Variants in WT1 observed in about 807,000 individuals in gnomAD.
The protein encoded by WT1 is WT1 transcription factor, also known as Wilms tumor protein.
WT1 carries 8 observed loss-of-function variants against 60.8 expected under a neutral mutation model. That is an observed-to-expected ratio of 0.13 (90% CI 0.08 to 0.24). The LOEUF is 0.24. Among genes scored for constraint, WT1 ranks in the 10% least tolerant of loss-of-function variants. WT1 has a pLI of 1.00. For synonymous variants in WT1, 312 were observed against 297.1 expected, an observed-to-expected ratio of 1.05 and a Z score of -0.52; for missense variants, 568 against 711.8, an observed-to-expected ratio of 0.80 and a Z score of 2.30.
Position 32,406,529 on chromosome 11 carries a change from G to A in WT1, c.1017-6485C>T, listed in dbSNP as rs187968623. Among the ~76,000 whole-genome samples, 235 of 152,228 alleles carry A rather than the reference G, an allele frequency of 1.5e-3. 1 individual carries two copies. The highest frequency in any genetic ancestry group is 5.3e-3 in the African/African-American group (222 of 41,526). Reference sequence around the variant, plus strand: ...ACAGACCACTACCGGTCCATGGCCCGGGGGTTGGGGGCCTTTGGTATAAAG... The same window carrying A: ...ACAGACCACTACCGGTCCATGGCCCAGGGGTTGGGGGCCTTTGGTATAAAG... On this transcript the variant is annotated intron_variant, in intron 5 of 9. Transcript: ENST00000452863.
intron 1 of WT1, chr11:32,430,823 G>C: frequency 7.8e-7 from 1 of 1,288,466 alleles, no homozygotes; most frequent in Non-Finnish European, 9.8e-7. Flanking sequence ...CGCCTGCGGA[G>C]CGGAGGGAGG....
chr11:32,393,496 A>T (rs1851877827), intron 7 of WT1, among the ~76,000 whole-genome samples: 1 of 152,256 alleles, frequency 6.6e-6, no homozygotes, highest in Admixed American at 6.5e-5. Flanking sequence ...CCTTCTTAGG[A>T]GAATCCTGAG....
intron 9 of WT1, among the ~76,000 whole-genome samples, chr11:32,389,802 C>T (rs762855570): frequency 6.6e-6 from 1 of 151,666 alleles, no homozygotes; most frequent in African/African-American, 2.4e-5. Flanking sequence ...CTAGTTGGGG[C>T]GTGGTTCTTA....
At chr11:32,411,000 A>G (rs149089487) in intron 5 of WT1, among the ~76,000 whole-genome samples, 3 of 152,000 alleles carry the variant, frequency 2.0e-5, no homozygotes, top group Middle Eastern at 3.4e-3. Flanking sequence ...GGGATAGGAG[A>G]AGTCCAAATA....
chr11:32,389,952 T>C (rs1851768882), intron 9 of WT1, among the ~76,000 whole-genome samples: 1 of 152,130 alleles, frequency 6.6e-6, no homozygotes, highest in Non-Finnish European at 1.5e-5. Context: ...TGTGCTGGGC[T>C]TCACACACGC....
At position 32,388,003 on chromosome 11, in the gene WT1, AACAC is replaced by A. The variant is rs58549495; in HGVS notation, c.*1051_*1054del. 32,223 of 228,700 alleles carry A rather than the reference AACAC, an allele frequency of 0.14. 2,641 individuals are homozygous for A. The highest frequency in any genetic ancestry group is 0.31 in the African/African-American group (13,828 of 44,032). 14.2% of individuals were successfully genotyped at this position (228,700 alleles called of 1,614,324 possible). On this transcript the variant is annotated 3_prime_UTR_variant, in exon 10 of 10. Transcript: ENST00000452863. The stretch of plus-strand genomic sequence containing the variant: ...TCCCTTAAAAAACAAAACACAACAC[AACAC>A]ACACACACACACACACACACACACA...
At chr11:32,410,182 C>A (rs1852451832) in intron 5 of WT1, among the ~76,000 whole-genome samples, 1 of 152,200 alleles carries the variant, frequency 6.6e-6, no homozygotes, top group African/African-American at 2.4e-5. Flanking sequence ...CCACCTGCCT[C>A]GGCCTCCCAA....
intron 1 of WT1, among the ~76,000 whole-genome samples, chr11:32,429,954 A>G (rs918758854): frequency 1.4e-5 from 2 of 146,660 alleles, no homozygotes; most frequent in African/African-American, 5.0e-5. Flanking sequence ...ACGCTCATGC[A>G]CACACACCAC....
intron 5 of WT1, among the ~76,000 whole-genome samples, chr11:32,402,041 G>T (rs550906479): frequency 1.8e-4 from 28 of 152,256 alleles, no homozygotes; most frequent in African/African-American, 6.5e-4. Context: ...TCACCCAGAG[G>T]AGAGAGTGCC....
intron 5 of WT1, among the ~76,000 whole-genome samples, chr11:32,403,927 G>T (rs1388779878): frequency 6.6e-6 from 1 of 151,880 alleles, no homozygotes; most frequent in East Asian, 1.9e-4. Flanking sequence ...CTGCCCCATT[G>T]TAAACTTGGC....
intron 5 of WT1, among the ~76,000 whole-genome samples, chr11:32,405,748 G>C (rs1475741215): frequency 6.6e-6 from 1 of 152,094 alleles, no homozygotes; most frequent in African/African-American, 2.4e-5. Context: ...CACTCAATAA[G>C]TGTTAAACTG....
intron 5 of WT1, among the ~76,000 whole-genome samples, chr11:32,409,594 G>A (rs1468478936): frequency 6.6e-6 from 1 of 151,860 alleles, no homozygotes; most frequent in Non-Finnish European, 1.5e-5. Context: ...AAGTAGCTGG[G>A]ACTATAGGCA....
At chr11:32,406,041 G>A (rs573455890) in intron 5 of WT1, among the ~76,000 whole-genome samples, 2 of 152,324 alleles carry the variant, frequency 1.3e-5, no homozygotes, top group Non-Finnish European at 2.9e-5. Context: ...CTGGGGTAGA[G>A]GGAAAGGACT....
intron 5 of WT1, among the ~76,000 whole-genome samples, chr11:32,403,656 C>T (rs566485981): frequency 2.0e-5 from 3 of 150,488 alleles, no homozygotes; most frequent in East Asian, 2.0e-4. Context: ...CTCACTGCAA[C>T]CCCCGCCTCC....
intron 5 of WT1, among the ~76,000 whole-genome samples, chr11:32,408,383 C>T (rs1191847306): frequency 6.6e-6 from 1 of 151,282 alleles, no homozygotes; most frequent in African/African-American, 2.4e-5. Context: ...GGTGTCGTGG[C>T]GGGCACCTGT....
At chr11:32,430,442 GA>G (rs1853246071) in intron 1 of WT1, 13 of 1,362,904 alleles carry the variant, frequency 9.5e-6, no homozygotes, top group South Asian at 1.3e-5. Flanking sequence ...CAGAGAGAGA[GA>G]GAGAGAGGGA....
intron 3 of WT1, among the ~76,000 whole-genome samples, chr11:32,423,669 G>A (rs544105464): frequency 1.3e-4 from 20 of 152,294 alleles, no homozygotes; most frequent in Non-Finnish European, 1.9e-4. Flanking sequence ...CACCACTTCC[G>A]TCCCTTAACT....
intron 5 of WT1, among the ~76,000 whole-genome samples, chr11:32,412,027 C>T (rs1003162307): frequency 6.6e-6 from 1 of 152,176 alleles, no homozygotes; most frequent in South Asian, 2.1e-4. Flanking sequence ...GCATCTCAGG[C>T]TCCGGGAGCC....
intron 6 of WT1, among the ~76,000 whole-genome samples, chr11:32,399,692 G>A (rs1388307598): frequency 6.6e-6 from 1 of 152,230 alleles, no homozygotes; most frequent in African/African-American, 2.4e-5. Context: ...GTCAAATGGA[G>A]CAGTAAAGGC....
Sources: gnomAD v4.1 joint callset for allele counts (sites outside exome capture counted in the v4.1 genomes callset) on GRCh38, gnomAD v4.1.1 for gene constraint, MANE v1.5 for transcripts, NCBI Gene and HGNC (gene_info 2026-07-23, HGNC 2026-07-21) for gene names.